The following ZNF337 variants were observed in gnomAD, a reference collection of about 807,000 sequenced individuals.
The protein encoded by ZNF337 is zinc finger protein 337.
A neutral mutation model predicts 12.1 loss-of-function variants in ZNF337; 8 were observed. The observed-to-expected ratio is 0.66, with a 90% CI of 0.39 to 1.19. ZNF337 has a LOEUF of 1.19. Ranked by LOEUF, ZNF337 falls within the 50% of genes most tolerant of loss-of-function variation. The pLI, the probability that ZNF337 is intolerant of heterozygous loss-of-function variation, is 0.01. For synonymous variants in ZNF337, 336 were observed against 320.0 expected, an observed-to-expected ratio of 1.05 and a Z score of -0.53; for missense variants, 882 against 896.6, an observed-to-expected ratio of 0.98 and a Z score of 0.21.
At chr20:25,688,823 A>G (rs1334817231) in intron 1 of ZNF337, among the ~76,000 whole-genome samples, 1 of 152,166 alleles carries the variant, frequency 6.6e-6, no homozygotes, top group Non-Finnish European at 1.5e-5. Context: ...AACTACAGAT[A>G]GGTTAAGTAA....
chr20:25,680,095 A>G (rs115862417), intron 4 of ZNF337, among the ~76,000 whole-genome samples: 103 of 152,336 alleles, frequency 6.8e-4, no homozygotes, highest in African/African-American at 2.4e-3. Flanking sequence ...AGAAAGCCAA[A>G]TATTGCATAT....
At position 25,675,081 on chromosome 20, in the gene ZNF337, A is replaced by G. The variant is rs1254236655; in HGVS notation, c.2207T>C (p.Leu736Ser). ...CCCTGTACAAAAACGCTTCTCACGT[A>G]AGTGTCTCTTTAAGTGCTTACTGTA... is the stretch of plus-strand genomic sequence containing the variant. Reference protein sequence around the residue: ...SYYSKHLKRHLREKRFCTGSV... With the variant: ...SYYSKHLKRHSREKRFCTGSV... The change falls in exon 5 of 5, where the codon TTA (leucine) becomes TCA (serine). Residue 736 changes from leucine (L) to serine (S), a missense_variant. Coordinates refer to ENST00000252979, the MANE Select transcript of ZNF337 (RefSeq NM_015655.4). The G allele has an allele frequency of 1.9e-6, 3 of 1,613,362 alleles. No homozygotes were observed. The highest frequency in any genetic ancestry group is 2.5e-6 in the Non-Finnish European group (3 of 1,179,704).
intron 1 of ZNF337, among the ~76,000 whole-genome samples, chr20:25,694,624 T>C (rs1249845881): frequency 6.6e-6 from 1 of 152,190 alleles, no homozygotes; most frequent in Non-Finnish European, 1.5e-5. Context: ...CCTACCAACC[T>C]GGTGAGGACT....
intron 1 of ZNF337, among the ~76,000 whole-genome samples, chr20:25,693,206 A>C (rs142588011): frequency 6.6e-5 from 10 of 152,288 alleles, no homozygotes; most frequent in South Asian, 6.2e-4. Flanking sequence ...GCTCCAGAGT[A>C]GTTGGGATTA....
At chr20:25,679,870 C>T (rs1338209298) in intron 4 of ZNF337, among the ~76,000 whole-genome samples, 1 of 152,000 alleles carries the variant, frequency 6.6e-6, no homozygotes, top group Non-Finnish European at 1.5e-5. Context: ...TAACATTATT[C>T]ACAATAGTCT....
chr20:25,687,559 C>T (rs541446913), intron 1 of ZNF337, among the ~76,000 whole-genome samples: 3 of 152,138 alleles, frequency 2.0e-5, no homozygotes, highest in Non-Finnish European at 4.4e-5. Flanking sequence ...AACTTTGAGA[C>T]AGAAGTGAAC....
intron 1 of ZNF337, among the ~76,000 whole-genome samples, chr20:25,695,625 G>C (rs1472598168): frequency 6.6e-6 from 1 of 152,174 alleles, no homozygotes; most frequent in African/African-American, 2.4e-5. Context: ...AACATAGCTG[G>C]TTACAGCCTC....
At chr20:25,687,978 T>C (rs1224413212) in intron 1 of ZNF337, among the ~76,000 whole-genome samples, 8 of 152,236 alleles carry the variant, frequency 5.3e-5, no homozygotes, top group Non-Finnish European at 4.4e-5. Flanking sequence ...AATTGGTACT[T>C]GACTCTGATA....
At chr20:25,677,099 C>T in intron 4 of ZNF337, 62 bp from the exon 5 acceptor site, 3 of 1,349,738 alleles carry the variant, frequency 2.2e-6, no homozygotes, top group Non-Finnish European at 3.0e-6. Flanking sequence ...GAAAGAAAAA[C>T]CCAGAACCAT....
At chr20:25,679,939 C>CAT (rs2065751626) in intron 4 of ZNF337, among the ~76,000 whole-genome samples, 1 of 152,016 alleles carries the variant, frequency 6.6e-6, no homozygotes, top group African/African-American at 2.4e-5. Flanking sequence ...AAATGTAGTA[C>CAT]ATATATATAA....
At position 25,676,977 on chromosome 20, in the gene ZNF337, T is replaced by C. The variant is rs372883483; in HGVS notation, c.311A>G (p.Gln104Arg). The change falls in exon 5 of 5, where the codon CAG (glutamine) becomes CGG (arginine). Residue 104 changes from glutamine (Q) to arginine (R), a missense_variant. By Grantham distance (43) the Gln-to-Arg change is conservative. Coordinates refer to ENST00000252979, the MANE Select transcript of ZNF337 (RefSeq NM_015655.4). Reference protein sequence around the residue: ...KNLGLAHQRQQQLQFSDQSFQ... With the variant: ...KNLGLAHQRQRQLQFSDQSFQ... ...GCTTTGATCAGAAAATTGTAGTTGC[T>C]GTTGCCTCTGATGTGCAAGTCCAAG... 6 of 1,614,090 alleles carry C rather than the reference T, an allele frequency of 3.7e-6. No individual in the cohort carries two copies. Among genetic ancestry groups the C allele is most frequent in the Non-Finnish European group, 5.1e-6 (6 of 1,180,010 alleles).
At chr20:25,687,090 G>A (rs376106134) in intron 1 of ZNF337, 2 of 152,134 alleles carry the variant, frequency 1.3e-5, no homozygotes, top group Non-Finnish European at 2.9e-5. Context: ...AACACTAATT[G>A]GATATTAGAT....
At position 25,674,943 on chromosome 20, in the gene ZNF337, C is replaced by G. The variant is rs948239949; in HGVS notation, c.*89G>C. On this transcript the variant is annotated 3_prime_UTR_variant, in exon 5 of 5. Coordinates refer to ENST00000252979, the MANE Select transcript of ZNF337 (RefSeq NM_015655.4). ...TCTGTCTGCCTCTGTTATATCTTCA[C>G]GAACAAGTTATGCAGCCTCAACTAA... The G allele has an allele frequency of 3.7e-5, 46 of 1,252,670 alleles. No homozygotes were observed. Among genetic ancestry groups the G allele is most frequent in the Middle Eastern group, 2.0e-4 (1 of 4,998 alleles). The allele number at this position is 1,252,670 out of a possible 1,614,324, so 77.6% of individuals were successfully genotyped here.
rs1408113650 is a variant in ZNF337 at position 25,675,578 on chromosome 20, C to A, written c.1710G>T (p.Arg570Ser). The change falls in exon 5 of 5, where the codon AGG becomes AGT. Residue 570 changes from arginine (R) to serine (S), a missense_variant. Arg to Ser is a moderately radical substitution (Grantham distance 110, BLOSUM62 -1). Coordinates refer to ENST00000252979, the MANE Select transcript of ZNF337 (RefSeq NM_015655.4). ...LRHQWTHSGE[R>S]PFNCKDCGRG... ...GCCCGCAATCCTTGCAATTAAATGG[C>A]CTTTCCCCCGAGTGTGTCCACTGAT... is the stretch of plus-strand genomic sequence containing the variant. 3 of 1,613,552 alleles carry A rather than the reference C, an allele frequency of 1.9e-6. No individual in the cohort carries two copies. The highest frequency in any genetic ancestry group is 1.3e-5 in the African/African-American group (1 of 74,824).
rs763074566 is a variant in ZNF337 at position 25,676,274 on chromosome 20, G to T, written c.1014C>A (p.His338Gln). The change falls in exon 5 of 5, where the codon CAC (histidine) becomes CAA (glutamine). Residue 338 changes from histidine to glutamine, a missense_variant. Transcript: ENST00000252979. Reference protein sequence around the residue: ...GYTNKSYFVVHKRIHSGEKPY... With the variant: ...GYTNKSYFVVQKRIHSGEKPY... Reference sequence around the variant, plus strand: ...GCTTCTCTCCTGAGTGTATTCTCTTGTGCACAACGAAGTATGACTTATTAG... The same window carrying T: ...GCTTCTCTCCTGAGTGTATTCTCTTTTGCACAACGAAGTATGACTTATTAG... The T allele has an allele frequency of 6.8e-6, 11 of 1,613,474 alleles. No homozygotes were observed. The South Asian group carries it at 1.2e-4, about 18-fold the overall frequency.
chr20:25,675,483 C>T lies in ZNF337; in HGVS notation c.1805G>A (p.Cys602Tyr), dbSNP rs1352377703. Reference protein sequence around the residue: ...KTHSGEKPFICSECGQGFIWK... With the variant: ...KTHSGEKPFIYSECGQGFIWK... Reference sequence around the variant, plus strand: ...GATAAATCCTTGCCCACATTCACTACAGATGAAAGGCTTCTCCCCTGAGTG... The same window carrying T: ...GATAAATCCTTGCCCACATTCACTATAGATGAAAGGCTTCTCCCCTGAGTG... The change falls in exon 5 of 5, where the codon TGT (cysteine) becomes TAT (tyrosine). Residue 602 changes from cysteine to tyrosine, a missense_variant. Transcript: ENST00000252979. The T allele has an allele frequency of 6.2e-7, 1 of 1,614,180 alleles. No homozygotes were observed.
intron 1 of ZNF337, among the ~76,000 whole-genome samples, chr20:25,692,288 T>C (rs1051114767): frequency 3.3e-5 from 5 of 152,188 alleles, no homozygotes; most frequent in Non-Finnish European, 5.9e-5. Flanking sequence ...TGAGTGAAAT[T>C]AATACATTGC....
In ZNF337 at chr20:25,686,091, T is replaced by C. The variant is rs1317977589; in HGVS notation, c.59A>G (p.Asp20Gly). The C allele has an allele frequency of 6.2e-7, 1 of 1,613,940 alleles. No individual in the cohort carries two copies. Among genetic ancestry groups the C allele is most frequent in the East Asian group, 2.2e-5 (1 of 44,864 alleles). Reference sequence around the variant, plus strand: ...CAGCCTCCATTCCTTCTGGGTGAAATCCACAGTGACATCCCCAAATGCCAA... The same window carrying C: ...CAGCCTCCATTCCTTCTGGGTGAAACCCACAGTGACATCCCCAAATGCCAA... ...AFLAFGDVTV[D>G]FTQKEWRLLS... The change falls in exon 3 of 5, where the codon GAT (aspartate) becomes GGT (glycine). Residue 20 changes from aspartate (D) to glycine (G), a missense_variant. Coordinates refer to ENST00000252979, the MANE Select transcript of ZNF337 (RefSeq NM_015655.4).
chr20:25,688,138 C>T (rs1009320880), intron 1 of ZNF337, among the ~76,000 whole-genome samples: 24 of 152,316 alleles, frequency 1.6e-4, no homozygotes, highest in African/African-American at 5.8e-4. Flanking sequence ...GCTATCTTTA[C>T]CTATTCCAAA....
Sources: allele counts gnomAD v4.1 joint callset (sites outside exome capture counted in the v4.1 genomes callset), GRCh38; gene constraint gnomAD v4.1.1; transcripts MANE v1.5; gene names NCBI Gene and HGNC (gene_info 2026-07-23, HGNC 2026-07-21).